The following TLE3 variants were observed in gnomAD, a reference collection of about 807,000 sequenced individuals.
TLE3 encodes TLE family member 3, transcriptional corepressor.
In TLE3, 14 loss-of-function variants were observed where a neutral mutation model predicts 93.0. The ratio of observed to expected loss-of-function variants is 0.15; its 90% CI spans 0.10 to 0.24. The LOEUF is 0.24. Ranked by LOEUF, TLE3 falls within the 10% of genes least tolerant of loss-of-function variation. The pLI is 1.00. For missense variants in TLE3, 693 were observed against 1,046.6 expected (o/e 0.66, Z 4.66); for synonymous variants, 451 against 425.0 (o/e 1.06, Z -0.75).
chr15:70,091,533 G>A (rs1197206002), intron 4 of TLE3, among the ~76,000 whole-genome samples: 1 of 152,198 alleles, frequency 6.6e-6, no homozygotes, highest in Non-Finnish European at 1.5e-5. Context: ...GTGGAGGTGG[G>A]TGACCTCTTG....
intron 6 of TLE3, among the ~76,000 whole-genome samples, chr15:70,067,634 A>G (rs777572000): frequency 2.0e-5 from 3 of 152,230 alleles, no homozygotes; most frequent in Non-Finnish European, 2.9e-5. Flanking sequence ...TTTTCTGGCA[A>G]CCGCGAACAG....
Position 70,097,472 on chromosome 15 carries a change from G to T in TLE3, c.-674C>A. 4.8e-6 allele frequency: 2 copies of T among 415,188 alleles called. No individual in the cohort carries two copies. 25.7% of individuals were successfully genotyped at this position (415,188 alleles called of 1,614,324 possible). ...TGCCGCTGCCGCCGCCGCCGCCGCC[G>T]CTGCAAGCCCTTCCCAGGGCCGGGG... On this transcript the variant is annotated 5_prime_UTR_variant, in exon 1 of 20. Coordinates refer to ENST00000451782, the MANE Select transcript of TLE3 (RefSeq NM_001105192.3).
At chr15:70,057,693 G>A (rs1364918958) in intron 12 of TLE3, 35 bp from the exon 13 acceptor site, 1 of 1,541,890 alleles carries the variant, frequency 6.5e-7, no homozygotes, top group South Asian at 1.2e-5. Context: ...GTGGGCCTTA[G>A]GTGGATTGGG....
At chr15:70,053,034 C>T in intron 17 of TLE3, 193 bp downstream of exon 17, 2 of 653,484 alleles carry the variant, frequency 3.1e-6, no homozygotes, top group Non-Finnish European at 5.0e-6. Flanking sequence ...CAAATGTGTC[C>T]AACCCCAAGG....
Position 70,097,161 on chromosome 15 carries a change from G to A in TLE3, c.-363C>T. On this transcript the variant is annotated 5_prime_UTR_variant, in exon 1 of 20. Coordinates refer to ENST00000451782, the MANE Select transcript of TLE3 (RefSeq NM_001105192.3). ...CGGCTCCCCAGCAGGTCCGGCGCGG[G>A]GTCCCGAGGCCGGGGGCCCCTCCTG... 2 of 418,978 alleles carry A rather than the reference G, an allele frequency of 4.8e-6. No homozygotes were observed. The highest frequency in any genetic ancestry group is 5.9e-4 in the Middle Eastern group (1 of 1,686). 26.0% of individuals were successfully genotyped at this position (418,978 alleles called of 1,614,324 possible).
At chr15:70,061,865 C>T (rs1396484571) in intron 8 of TLE3, among the ~76,000 whole-genome samples, 2 of 152,172 alleles carry the variant, frequency 1.3e-5, no homozygotes, top group East Asian at 1.9e-4. Context: ...AGGTCCCAGT[C>T]CCCATGCAAC....
At chr15:70,075,889 A>G (rs1426361526) in intron 5 of TLE3, among the ~76,000 whole-genome samples, 1 of 152,184 alleles carries the variant, frequency 6.6e-6, no homozygotes, top group Non-Finnish European at 1.5e-5. Context: ...CTATGAGAAG[A>G]AGGAGCAAAT....
intron 3 of TLE3, chr15:70,095,259 C>T: frequency 4.1e-6 from 5 of 1,231,370 alleles, no homozygotes; most frequent in Middle Eastern, 2.2e-4. Flanking sequence ...TCCTATCTTA[C>T]TAGCCAAGAT....
Position 70,097,656 on chromosome 15 carries a change from A to C in TLE3, c.-858T>G. 1 of 397,980 alleles carries C rather than the reference A, an allele frequency of 2.5e-6. No individual in the cohort carries two copies. Among genetic ancestry groups the C allele is most frequent in the Non-Finnish European group, 4.4e-6 (1 of 225,550 alleles). 24.7% of individuals were successfully genotyped at this position (397,980 alleles called of 1,614,324 possible). A position where few individuals can be genotyped will look rare whatever the true frequency, so the allele number is the denominator to read the frequency against. ...CACCGCCGCTGCCGCGTCGGAGCGC[A>C]CAGGCAGGAGAGCGCTGGAGGGGAG... On this transcript the variant is annotated 5_prime_UTR_variant, in exon 1 of 20. Coordinates refer to ENST00000451782, the MANE Select transcript of TLE3 (RefSeq NM_001105192.3).
chr15:70,074,749 G>T (rs187144330), intron 5 of TLE3, 142 bp from the exon 6 acceptor site: 25 of 553,196 alleles, frequency 4.5e-5, no homozygotes, highest in Middle Eastern at 3.9e-4. Flanking sequence ...GCACAAGTAG[G>T]GGGGAGGGTG....
Position 70,064,359 on chromosome 15 carries a change from C to T in TLE3, c.594+95G>A, listed in dbSNP as rs1489139272. 2.7e-6 allele frequency: 4 copies of T among 1,486,720 alleles called. No homozygotes were observed. In the African/African-American group the frequency reaches 5.6e-5, roughly 21 times the overall value. 92.1% of individuals were successfully genotyped at this position (1,486,720 alleles called of 1,614,324 possible). A position where few individuals can be genotyped will look rare whatever the true frequency, so the allele number is the denominator to read the frequency against. On this transcript the variant is annotated intron_variant, in intron 8 of 19. Coordinates refer to ENST00000451782, the MANE Select transcript of TLE3 (RefSeq NM_001105192.3). ...CCCAGAAGCCAGCTTTGGATACCGA[C>T]TGACTGGTCTCAGGCCCGCGATTCT...
chr15:70,060,490 C>T (rs542476295), intron 9 of TLE3, 40 bp downstream of exon 9: 3 of 1,611,204 alleles, frequency 1.9e-6, no homozygotes, highest in East Asian at 4.5e-5. Context: ...CTGCCCTACC[C>T]AACAGAAACC....
intron 5 of TLE3, among the ~76,000 whole-genome samples, chr15:70,075,520 T>A (rs1283400816): frequency 2.0e-5 from 3 of 151,968 alleles, no homozygotes; most frequent in Non-Finnish European, 4.4e-5. Context: ...AGCCACTGAG[T>A]GGGAGTAGAG....
intron 3 of TLE3, chr15:70,095,296 A>C: frequency 3.0e-6 from 4 of 1,334,310 alleles, no homozygotes; most frequent in Non-Finnish European, 3.8e-6. Flanking sequence ...GCCCCTGGGA[A>C]ACTTTCAAAA....
intron 4 of TLE3, among the ~76,000 whole-genome samples, chr15:70,088,911 G>T (rs916798128): frequency 1.3e-5 from 2 of 151,372 alleles, no homozygotes; most frequent in Non-Finnish European, 3.0e-5. Context: ...GCGGCAGATG[G>T]ACTCAGGCCA....
rs1406727053 is a variant in TLE3, at chr15:70,095,399, A to G, written c.189+179T>C. On this transcript the variant is annotated intron_variant, in intron 3 of 19. Coordinates refer to ENST00000451782, the MANE Select transcript of TLE3 (RefSeq NM_001105192.3). ...CCCTCCCCTCACTCACCCTCCTCCA[A>G]GTGGCCCCGGCAATGGAAGCTGGGG... is the stretch of plus-strand genomic sequence containing the variant. 6 of 1,473,036 alleles carry G rather than the reference A, an allele frequency of 4.1e-6. No homozygotes were observed. The South Asian group carries it at 8.3e-5, about 20-fold the overall frequency. 91.2% of individuals were successfully genotyped at this position (1,473,036 alleles called of 1,614,324 possible).
chr15:70,054,342 C>T, intron 16 of TLE3, 96 bp downstream of exon 16: 1 of 1,525,142 alleles, frequency 6.6e-7, no homozygotes. Context: ...CCCCACAGTG[C>T]CTCAGACAGG....
intron 6 of TLE3, among the ~76,000 whole-genome samples, chr15:70,071,963 T>TC (rs2057196336): frequency 6.6e-6 from 1 of 152,228 alleles, no homozygotes; most frequent in Non-Finnish European, 1.5e-5. Flanking sequence ...ATTAGCGGAC[T>TC]CCTTCGCGGG....
intron 8 of TLE3, among the ~76,000 whole-genome samples, chr15:70,062,061 T>C (rs990466882): frequency 4.6e-5 from 7 of 152,200 alleles, no homozygotes; most frequent in African/African-American, 1.4e-4. Context: ...GCAACCAGCC[T>C]CAGAACTTAA....
Sources: gnomAD v4.1 joint callset for allele counts (sites outside exome capture counted in the v4.1 genomes callset) on GRCh38, gnomAD v4.1.1 for gene constraint, MANE v1.5 for transcripts, NCBI Gene and HGNC (gene_info 2026-07-23, HGNC 2026-07-21) for gene names.